CXCL13: variants seen among roughly 807,000 people sequenced by gnomAD.
The protein encoded by CXCL13 is C-X-C motif chemokine ligand 13, also known as C-X-C motif chemokine 13.
Under a neutral mutation model 12.2 loss-of-function variants are expected in CXCL13, and 7 were observed. The ratio of observed to expected loss-of-function variants is 0.57; its 90% CI spans 0.33 to 1.07. The LOEUF (loss-of-function observed/expected upper bound fraction) is 1.07. Among genes scored for constraint, CXCL13 ranks in the 50% least tolerant of loss-of-function variants. CXCL13 has a pLI of 0.04. For missense variants in CXCL13, 113 were observed against 127.4 expected, an observed-to-expected ratio of 0.89 and a Z score of 0.55; for synonymous variants, 47 against 42.4, an observed-to-expected ratio of 1.11 and a Z score of -0.42.
intron 1 of CXCL13, among the ~76,000 whole-genome samples, chr4:77,530,794 A>C (rs1029653253): frequency 1.3e-5 from 2 of 151,800 alleles, no homozygotes; most frequent in Admixed American, 6.6e-5. Context: ...CTCTGATCTT[A>C]GTTATTTCTT....
chr4:77,608,371 C>A (rs1727055711), intron 2 of CXCL13, among the ~76,000 whole-genome samples: 1 of 150,638 alleles, frequency 6.6e-6, no homozygotes, highest in Non-Finnish European at 1.5e-5. Context: ...ACCTGGGAGG[C>A]GGAGGTTGCG....
intron 1 of CXCL13, among the ~76,000 whole-genome samples, chr4:77,599,418 A>C (rs889327536): frequency 2.6e-5 from 4 of 152,206 alleles, no homozygotes; most frequent in African/African-American, 4.8e-5. Context: ...TAATGACAAG[A>C]AAAAAATCTG....
chr4:77,567,071 C>T (rs533956399), intron 1 of CXCL13, among the ~76,000 whole-genome samples: 1 of 152,300 alleles, frequency 6.6e-6, no homozygotes, highest in African/African-American at 2.4e-5. Context: ...GACTTTGTGA[C>T]AATACACCCT....
chr4:77,567,401 A>G (rs910790465), intron 1 of CXCL13, among the ~76,000 whole-genome samples: 4 of 152,212 alleles, frequency 2.6e-5, no homozygotes, highest in Non-Finnish European at 4.4e-5. Flanking sequence ...CCAAATCTTC[A>G]TTTAAAGTTA....
intron 1 of CXCL13, among the ~76,000 whole-genome samples, chr4:77,560,374 A>G (rs997075470): frequency 6.6e-6 from 1 of 152,130 alleles, no homozygotes; most frequent in African/African-American, 2.4e-5. Context: ...TTTATCTCCA[A>G]CTGCCTCAGC....
At chr4:77,519,947 C>T (rs1321363132) in intron 1 of CXCL13, among the ~76,000 whole-genome samples, 1 of 152,196 alleles carries the variant, frequency 6.6e-6, no homozygotes, top group Non-Finnish European at 1.5e-5. Context: ...AGCCAGTTTT[C>T]CCAGCACCAT....
chr4:77,584,503 A>T (rs111905032), intron 1 of CXCL13, among the ~76,000 whole-genome samples: 4 of 152,352 alleles, frequency 2.6e-5, no homozygotes, highest in African/African-American at 9.6e-5. Context: ...AATAATCTCA[A>T]CATTTGACAG....
chr4:77,595,310 G>T (rs945167608), intron 1 of CXCL13, among the ~76,000 whole-genome samples: 1 of 152,114 alleles, frequency 6.6e-6, no homozygotes, highest in African/African-American at 2.4e-5. Context: ...TCCCTAGTTT[G>T]TACTTTTAAA....
intron 1 of CXCL13, among the ~76,000 whole-genome samples, chr4:77,514,208 T>A (rs1724349575): frequency 6.6e-6 from 1 of 152,150 alleles, no homozygotes; most frequent in Admixed American, 6.5e-5. Flanking sequence ...TCTGTCATTG[T>A]TGGACATTTG....
chr4:77,599,305 AT>A (rs1201888740), intron 1 of CXCL13, among the ~76,000 whole-genome samples: 8 of 152,228 alleles, frequency 5.3e-5, no homozygotes, highest in Non-Finnish European at 8.8e-5. Flanking sequence ...GTATTTGCAT[AT>A]AACCTGTGCA....
At chr4:77,518,649 C>A (rs1279920288) in intron 1 of CXCL13, among the ~76,000 whole-genome samples, 1 of 152,180 alleles carries the variant, frequency 6.6e-6, no homozygotes, top group Non-Finnish European at 1.5e-5. Flanking sequence ...GCTTCATCAG[C>A]TCCTTTAAGC....
At chr4:77,536,127 C>A (rs1019701131) in intron 1 of CXCL13, among the ~76,000 whole-genome samples, 1 of 152,086 alleles carries the variant, frequency 6.6e-6, no homozygotes, top group Non-Finnish European at 1.5e-5. Flanking sequence ...AGTGATGTAA[C>A]CCATATAAGT....
At chr4:77,541,216 T>C (rs1295035116) in intron 1 of CXCL13, among the ~76,000 whole-genome samples, 7 of 152,202 alleles carry the variant, frequency 4.6e-5, no homozygotes, top group Non-Finnish European at 1.0e-4. Context: ...CTGTTTACTC[T>C]GTTGTTAGTT....
Position 77,526,332 on chromosome 4 carries a change from T to C in CXCL13, c.-43+14544T>C, listed in dbSNP as rs1407874965. 4.6e-5 allele frequency among the ~76,000 whole-genome samples: 7 copies of C among 152,116 alleles called. No homozygotes were observed. In the East Asian group the frequency reaches 1.3e-3, roughly 29 times the overall value. On this transcript the variant is annotated intron_variant, in intron 1 of 4. Coordinates refer to the CXCL13 transcript ENST00000286758. ...TATATTAAATTTAAAATTTTAAATG[T>C]GAAACATTCATCTAATATGCTTAAA...
chr4:77,605,000 G>T (rs1726970690), upstream of CXCL13, among the ~76,000 whole-genome samples: 1 of 152,088 alleles, frequency 6.6e-6, no homozygotes, highest in Non-Finnish European at 1.5e-5. Context: ...TTGTCCCCAT[G>T]GACTAGTTGG....
chr4:77,610,209 A>C (rs1227127480), intron 2 of CXCL13, among the ~76,000 whole-genome samples: 1 of 152,032 alleles, frequency 6.6e-6, no homozygotes, highest in Non-Finnish European at 1.5e-5. Context: ...TTCTCAAGAG[A>C]GTGTTTTCTA....
chr4:77,514,518 T>G (rs1724364985), intron 1 of CXCL13, among the ~76,000 whole-genome samples: 1 of 147,364 alleles, frequency 6.8e-6, no homozygotes, highest in Admixed American at 6.9e-5. Flanking sequence ...TGAGATGATA[T>G]CTCATTGTGG....
intron 1 of CXCL13, among the ~76,000 whole-genome samples, chr4:77,522,020 T>G (rs1724613928): frequency 6.6e-6 from 1 of 152,198 alleles, no homozygotes; most frequent in African/African-American, 2.4e-5. Flanking sequence ...TTGTGCAGTT[T>G]TGAGTGAATT....
At chr4:77,610,957 T>C (rs1412004849) in intron 3 of CXCL13, 31 bp from the exon 4 acceptor site, 5 of 1,591,254 alleles carry the variant, frequency 3.1e-6, no homozygotes, top group Admixed American at 3.3e-5. Flanking sequence ...TCTCTAAACA[T>C]GACAATTTTG....
Sources: gnomAD v4.1 joint callset for allele counts (sites outside exome capture counted in the v4.1 genomes callset) on GRCh38, gnomAD v4.1.1 for gene constraint, MANE v1.5 for transcripts, NCBI Gene and HGNC (gene_info 2026-07-23, HGNC 2026-07-21) for gene names.